Variants in SNX14 observed in about 807,000 individuals in gnomAD.
SNX14 encodes sorting nexin-14.
In SNX14, 93 loss-of-function variants were observed where a neutral mutation model predicts 133.8. The observed-to-expected ratio is 0.70, with a 90% CI of 0.59 to 0.83. The LOEUF (loss-of-function observed/expected upper bound fraction) is 0.83, where lower values mean the gene tolerates loss of function less well. Ranked by LOEUF, SNX14 falls within the 40% of genes least tolerant of loss-of-function variation. SNX14 has a pLI of 0.00. For synonymous variants in SNX14, 368 were observed against 365.6 expected, an observed-to-expected ratio of 1.01 and a Z score of -0.07; for missense variants, 945 against 1,094.9, an observed-to-expected ratio of 0.86 and a Z score of 1.93.
At chr6:85,563,755 T>A (rs1414807888) in intron 6 of SNX14, among the ~76,000 whole-genome samples, 1 of 152,182 alleles carries the variant, frequency 6.6e-6, no homozygotes, top group African/African-American at 2.4e-5. Context: ...TCCATCTAAC[T>A]GGAACATGAC....
chr6:85,536,856 T>C lies in SNX14; in HGVS notation c.1544A>G (p.Lys515Arg), dbSNP rs1363954116. The C allele has an allele frequency of 6.2e-7, 1 of 1,613,572 alleles. No homozygotes were observed. The highest frequency in any genetic ancestry group is 8.5e-7 in the Non-Finnish European group (1 of 1,179,728). ...RIGSKIKGVF[K>R]STTMEGAMLP... Reference sequence around the variant, plus strand: ...CATAGCTCCCTCCATTGTGGTACTTTTGAATACTCCTTTAATTTTGCTACC... The same window carrying C: ...CATAGCTCCCTCCATTGTGGTACTTCTGAATACTCCTTTAATTTTGCTACC... Residue 515 changes from lysine (K) to arginine (R), a missense_variant, in exon 17 of 29, where the codon AAA becomes AGA. Around this residue, in one of 3 missense-constraint regions of SNX14, gnomAD observed 412 missense variants for 516.6 expected, o/e 0.80. Transcript: ENST00000314673.
chr6:85,553,514 G>A (rs1463686781), intron 7 of SNX14, among the ~76,000 whole-genome samples: 5 of 152,042 alleles, frequency 3.3e-5, no homozygotes, highest in Non-Finnish European at 7.4e-5. Context: ...CCAGGCGCCC[G>A]TGGCTCACGC....
At chr6:85,569,476 G>A (rs1375769669) in intron 4 of SNX14, among the ~76,000 whole-genome samples, 1 of 152,170 alleles carries the variant, frequency 6.6e-6, no homozygotes, top group Non-Finnish European at 1.5e-5. Flanking sequence ...GGACCTGCTG[G>A]CATGCAGCAG....
In SNX14 at chr6:85,526,177, T is replaced by C. The variant is rs1778425391; in HGVS notation, c.2056A>G (p.Asn686Asp). 1 of 1,608,978 alleles carries C rather than the reference T, an allele frequency of 6.2e-7. No individual in the cohort carries two copies. Among genetic ancestry groups the C allele is most frequent in the Non-Finnish European group, 8.5e-7 (1 of 1,177,502 alleles). Residue 686 changes from asparagine (N) to aspartate (D), a missense_variant, in exon 21 of 29, where the codon AAT (asparagine) becomes GAT (aspartate). Asn to Asp is a conservative substitution (Grantham distance 23). This residue lies in a region of SNX14 where 412 missense variants were observed against 516.6 expected (regional missense o/e 0.80). Transcript: ENST00000314673. Reference sequence around the variant, plus strand: ...TCAAGAAATTGTGTTTCCCCACCATTAGGGGAAAGAAAGTCTGCCAGAAGT... The same window carrying C: ...TCAAGAAATTGTGTTTCCCCACCATCAGGGGAAAGAAAGTCTGCCAGAAGT... ...SQLLADFLSP[N>D]GGETQFLDKI...
rs528613098 is a variant in SNX14, at chr6:85,583,070, G to A, written c.141-8692C>T. ...CCAGCACATCCACCATGATCAAGTC[G>A]GCTTCATCCCTGGAATGCAAGGCTG... is the stretch of plus-strand genomic sequence containing the variant. On this transcript the variant is annotated intron_variant, in intron 1 of 28. Coordinates refer to ENST00000314673, the MANE Select transcript of SNX14 (RefSeq NM_153816.6). Among the ~76,000 whole-genome samples the A allele has an allele frequency of 2.7e-4, 41 of 152,068 alleles. 1 individual carries two copies. The highest frequency in any genetic ancestry group is 5.2e-4 in the Admixed American group (8 of 15,260).
chr6:85,564,459 C>T (rs1793037680), intron 6 of SNX14, among the ~76,000 whole-genome samples: 1 of 152,148 alleles, frequency 6.6e-6, no homozygotes, highest in African/African-American at 2.4e-5. Flanking sequence ...TTAATAATTG[C>T]CATTCTAACT....
At chr6:85,531,465 C>G (rs1049841059) in intron 18 of SNX14, among the ~76,000 whole-genome samples, 3 of 152,190 alleles carry the variant, frequency 2.0e-5, no homozygotes, top group African/African-American at 7.2e-5. Flanking sequence ...ATACCACAAT[C>G]ATCCAAAACA....
intron 15 of SNX14, among the ~76,000 whole-genome samples, chr6:85,541,430 GAA>G (rs1318778693): frequency 1.3e-5 from 2 of 152,012 alleles, no homozygotes; most frequent in African/African-American, 2.4e-5. Flanking sequence ...TAAATCTACA[GAA>G]TAGATTTATA....
rs767991842 is a variant in SNX14, at chr6:85,574,242, G to A, written c.261+16C>T. 1 of 1,554,766 alleles carries A rather than the reference G, an allele frequency of 6.4e-7. No homozygotes were observed. The highest frequency in any genetic ancestry group is 1.8e-5 in the Admixed American group (1 of 56,928). ...CATATACATTGATTCTTAACAATAA[G>A]AACACATAATTTTACCTTGGGTTTG... is the stretch of plus-strand genomic sequence containing the variant. On this transcript the variant is annotated intron_variant, in intron 2 of 28. Transcript: ENST00000314673.
chr6:85,573,768 C>A (rs1344169769), intron 2 of SNX14, among the ~76,000 whole-genome samples: 1 of 152,188 alleles, frequency 6.6e-6, no homozygotes, highest in Non-Finnish European at 1.5e-5. Flanking sequence ...TAACCCAGAA[C>A]TATTCAATCA....
chr6:85,536,910 CT>C lies in SNX14; in HGVS notation c.1489del (p.Arg497GlyfsTer10). ...SLDDFRNTQK[R>X]GESFGISRIG... ...TCTGCTGATTCCAAATGATTCTCCC[CT>C]TTTCTGTGTGTTCCTGAATATTAAA... On this transcript the variant is annotated frameshift_variant, in exon 17 of 29. Transcript: ENST00000314673. LOFTEE classifies it high-confidence loss of function. 3 of 1,612,548 alleles carry C rather than the reference CT, an allele frequency of 1.9e-6. No homozygotes were observed. The highest frequency in any genetic ancestry group is 2.5e-6 in the Non-Finnish European group (3 of 1,179,362).
intron 1 of SNX14, among the ~76,000 whole-genome samples, chr6:85,576,374 TA>T (rs1258366063): frequency 6.6e-6 from 1 of 152,150 alleles, no homozygotes; most frequent in African/African-American, 2.4e-5. Flanking sequence ...GGATTAAGAA[TA>T]GACAAAACGA....
intron 14 of SNX14, among the ~76,000 whole-genome samples, chr6:85,542,742 A>G (rs1315696690): frequency 1.3e-5 from 2 of 151,930 alleles, no homozygotes; most frequent in Non-Finnish European, 2.9e-5. Context: ...GAAAAAGAAT[A>G]TTTACTTTCT....
intron 26 of SNX14, among the ~76,000 whole-genome samples, chr6:85,509,336 T>C (rs1290169914): frequency 6.6e-6 from 1 of 151,572 alleles, no homozygotes; most frequent in Admixed American, 6.6e-5. Context: ...AGAAAACAGG[T>C]AAAAAAAAAT....
chr6:85,574,383 AAAAT>A lies in SNX14; in HGVS notation c.141-9_141-6del, dbSNP rs5877941. 0.021 allele frequency: 31,275 copies of A among 1,501,300 alleles called. 413 individuals carry two copies. The highest frequency in any genetic ancestry group is 0.023 in the Non-Finnish European group (25,526 of 1,104,458). The allele number at this position is 1,501,300 out of a possible 1,614,324, so 93.0% of individuals were successfully genotyped here. A position where few individuals can be genotyped will look rare whatever the true frequency, so the allele number is the denominator to read the frequency against. ...ATCATTAAAATATGAATATACCTTA[AAAAT>A]AAATGAAAATAATTATTACAACCAA... On this transcript the variant is annotated splice_region_variant and splice_polypyrimidine_tract_variant and intron_variant, in intron 1 of 28. Coordinates refer to ENST00000314673, the MANE Select transcript of SNX14 (RefSeq NM_153816.6).
chr6:85,543,993 C>T (rs1458276444), intron 12 of SNX14, among the ~76,000 whole-genome samples: 1 of 151,998 alleles, frequency 6.6e-6, no homozygotes, highest in Non-Finnish European at 1.5e-5. Context: ...AATACCAATA[C>T]AAATTTTGCT....
At chr6:85,518,668 T>C (rs1301882117) in intron 21 of SNX14, among the ~76,000 whole-genome samples, 1 of 152,170 alleles carries the variant, frequency 6.6e-6, no homozygotes, top group Non-Finnish European at 1.5e-5. Context: ...TAAACTGCTT[T>C]CTGAACAAAT....
At chr6:85,542,133 G>GA (rs879732397) in intron 14 of SNX14, 90 bp from the exon 15 acceptor site, 12,466 of 671,480 alleles carry the variant, frequency 0.019, no homozygotes, top group South Asian at 0.024. Context: ...CCAGTTTTGG[G>GA]AAAAAAAAAA....
intron 1 of SNX14, among the ~76,000 whole-genome samples, chr6:85,576,785 T>C (rs2128210796): frequency 6.6e-6 from 1 of 152,338 alleles, no homozygotes; most frequent in South Asian, 2.1e-4. Flanking sequence ...AGGCTTGCCC[T>C]TTGTTAAACC....
Sources: gnomAD v4.1 joint callset for allele counts (sites outside exome capture counted in the v4.1 genomes callset) on GRCh38, gnomAD v4.1.1 for gene constraint, gnomAD v4.1.1 regional missense constraint, MANE v1.5 for transcripts, NCBI Gene and HGNC (gene_info 2026-07-23, HGNC 2026-07-21) for gene names.